PIWIL3: variants seen among roughly 807,000 people sequenced by gnomAD.
The protein encoded by PIWIL3 is piwi-like protein 3.
A neutral mutation model predicts 109.7 loss-of-function variants in PIWIL3; 101 were observed. The observed-to-expected ratio is 0.92, with a 90% CI of 0.78 to 1.09. PIWIL3 has a LOEUF of 1.09. PIWIL3 is among the 50% of genes least tolerant of loss of function. PIWIL3 has a pLI of 0.00. For missense variants in PIWIL3, 1,031 were observed against 1,072.6 expected, an observed-to-expected ratio of 0.96 and a Z score of 0.54; for synonymous variants, 373 against 376.4, an observed-to-expected ratio of 0.99 and a Z score of 0.10.
At position 24,762,417 on chromosome 22, in the gene PIWIL3, C is replaced by A. The variant is rs199951653; in HGVS notation, c.83G>T (p.Arg28Ile). ...GCTCACTGTAGCTGATCCAGGTGCTCTGGGTCCCCCAGGTGCCTCTTGTTG... is the reference window on the plus strand; with the variant it reads ...GCTCACTGTAGCTGATCCAGGTGCTATGGGTCCCCCAGGTGCCTCTTGTTG... ...SYQQEAPGGP[R>I]APGSATTQEP... The change falls in exon 2 of 21, where the codon AGA becomes ATA. Residue 28 changes from arginine (R) to isoleucine (I), a missense_variant. By Grantham distance (97) the Arg-to-Ile change is moderately conservative. Transcript: ENST00000616349. The A allele has an allele frequency of 1.9e-5, 30 of 1,613,786 alleles. No homozygotes were observed. The highest frequency in any genetic ancestry group is 2.4e-5 in the Non-Finnish European group (28 of 1,179,914).
At position 24,741,245 on chromosome 22, in the gene PIWIL3, T is replaced by A. The variant is rs1923989418; in HGVS notation, c.1450-5353A>T. On this transcript the variant is annotated intron_variant, in intron 12 of 20. Coordinates refer to ENST00000616349, the MANE Select transcript of PIWIL3 (RefSeq NM_001255975.1). ...TTAAAAACCTCATGGCCAGGCGCGG[T>A]GGCTCACACCTGTAATCCCAGCACT... Among the ~76,000 whole-genome samples the A allele has an allele frequency of 5.9e-5, 9 of 152,300 alleles. No homozygotes were observed. The South Asian group carries it at 1.9e-3, about 32-fold the overall frequency.
chr22:24,770,677 A>C (rs1409502755), intron 1 of PIWIL3, among the ~76,000 whole-genome samples: 8 of 137,540 alleles, frequency 5.8e-5, no homozygotes, highest in Admixed American at 2.9e-4. Context: ...AAAAAAAAAA[A>C]AACAAAAATT....
Position 24,735,892 on chromosome 22 carries a change from C to A in PIWIL3, c.1450G>T (p.Val484Phe). The A allele has an allele frequency of 1.3e-6, 2 of 1,592,136 alleles. No homozygotes were observed. Among genetic ancestry groups the A allele is most frequent in the South Asian group, 1.1e-5 (1 of 87,386 alleles). ...NANIVQGRRM[V>F]KANSQGDWSR... ...CAGTCTCCTTGTGAATTGGCTTTAA[C>A]CTGGAAAAGAATTATAAGACATGGC... The change falls in exon 13 of 21, where the codon GTT becomes TTT. Residue 484 changes from valine to phenylalanine, a missense_variant and splice_region_variant. Val to Phe is a conservative substitution (Grantham distance 50). Transcript: ENST00000616349.
chr22:24,751,341 T>C (rs748688718), intron 9 of PIWIL3, 46 bp downstream of exon 9: 4 of 1,525,788 alleles, frequency 2.6e-6, no homozygotes, highest in Non-Finnish European at 3.6e-6. Flanking sequence ...CTGAAATACA[T>C]GAAGGTTTAC....
intron 12 of PIWIL3, among the ~76,000 whole-genome samples, chr22:24,746,696 A>G (rs1414628787): frequency 6.6e-6 from 1 of 152,064 alleles, no homozygotes; most frequent in Non-Finnish European, 1.5e-5. Context: ...AAAACAAAAA[A>G]TCAGTAGCAT....
chr22:24,727,933 T>A lies in PIWIL3; in HGVS notation c.2009+17A>T. On this transcript the variant is annotated intron_variant, in intron 16 of 20. Coordinates refer to ENST00000616349, the MANE Select transcript of PIWIL3 (RefSeq NM_001255975.1). Reference sequence around the variant, plus strand: ...CAGTCAGCTACTAACTAAACATGTCTACCAGAGCTTACTTACTTTGTTAAT... The same window carrying A: ...CAGTCAGCTACTAACTAAACATGTCAACCAGAGCTTACTTACTTTGTTAAT... The A allele has an allele frequency of 6.3e-7, 1 of 1,586,300 alleles. No homozygotes were observed. The highest frequency in any genetic ancestry group is 8.6e-7 in the Non-Finnish European group (1 of 1,158,458).
At chr22:24,772,104 C>T (rs1926168456) in intron 1 of PIWIL3, among the ~76,000 whole-genome samples, 1 of 152,090 alleles carries the variant, frequency 6.6e-6, no homozygotes, top group Non-Finnish European at 1.5e-5. Flanking sequence ...ATAAATGCAC[C>T]AAACAGTAAG....
In PIWIL3 at chr22:24,773,738, TCTC is replaced by T. The variant is rs1926264229; in HGVS notation, c.-23+581_-23+583del. 1.6e-5 allele frequency among the ~76,000 whole-genome samples: 2 copies of T among 126,522 alleles called. 1 individual carries two copies. Among genetic ancestry groups the T allele is most frequent in the African/African-American group, 6.2e-5 (2 of 32,058 alleles). 83.0% of individuals were successfully genotyped at this position (126,522 alleles called of 152,430 possible). ...TTTTTTTTTTTTTTTGAGATGGGAG[TCTC>T]ACTCACTCTGTTGCCCAGGCTGGAG... On this transcript the variant is annotated intron_variant, in intron 1 of 20. Transcript: ENST00000616349.
At chr22:24,735,251 A>G (rs1308551789) in intron 13 of PIWIL3, among the ~76,000 whole-genome samples, 1 of 152,136 alleles carries the variant, frequency 6.6e-6, no homozygotes, top group East Asian at 1.9e-4. Flanking sequence ...ACCCTACTGT[A>G]AACTATGGAC....
intron 1 of PIWIL3, among the ~76,000 whole-genome samples, chr22:24,765,684 C>T (rs958449102): frequency 6.6e-6 from 1 of 151,852 alleles, no homozygotes; most frequent in Non-Finnish European, 1.5e-5. Context: ...CTTTAAGATA[C>T]CCATCTTTTT....
rs750754366 is a variant in PIWIL3, at chr22:24,723,154, T to C, written c.2333A>G (p.Asp778Gly). The C allele has an allele frequency of 2.5e-6, 4 of 1,613,466 alleles. No homozygotes were observed. The highest frequency in any genetic ancestry group is 4.5e-5 in the East Asian group (2 of 44,856). ...CCATTCATTCCTAGTCAACTCTACA[T>C]CAATAACTGTTCCTGGAGGTGGATT... ...FQNPPPGTVI[D>G]VELTRNEWYD... Residue 778 changes from aspartate (D) to glycine (G), a missense_variant, in exon 19 of 21, where the codon GAT becomes GGT. Physicochemically the swap from Asp to Gly is moderately conservative, Grantham distance 94. Coordinates refer to ENST00000616349, the MANE Select transcript of PIWIL3 (RefSeq NM_001255975.1).
Position 24,725,476 on chromosome 22 carries a change from C to T in PIWIL3, c.2049G>A (p.Glu683=). ...SQCVIQKTGE[E]LVKELEICLK... is the part of the protein sequence containing the mutation. Reference sequence around the variant, plus strand: ...AGCAGATCTCCAGCTCTTTCACAAGCTCTTCTCCTGTTTTCTGGATGACAC... The same window carrying T: ...AGCAGATCTCCAGCTCTTTCACAAGTTCTTCTCCTGTTTTCTGGATGACAC... Residue 683 remains glutamate (E), a synonymous_variant, in exon 17 of 21, where the codon GAG becomes GAA. Coordinates refer to ENST00000616349, the MANE Select transcript of PIWIL3 (RefSeq NM_001255975.1). The T allele has an allele frequency of 6.2e-7, 1 of 1,614,074 alleles. No individual in the cohort carries two copies. The highest frequency in any genetic ancestry group is 8.5e-7 in the Non-Finnish European group (1 of 1,180,054).
At chr22:24,767,375 A>T (rs1374823700) in intron 1 of PIWIL3, among the ~76,000 whole-genome samples, 2 of 59,224 alleles carry the variant, frequency 3.4e-5, no homozygotes, top group Non-Finnish European at 7.7e-5. Flanking sequence ...GTCTCTACTA[A>T]AAAAAATAAA....
At chr22:24,731,955 C>A (rs565903762) in intron 14 of PIWIL3, among the ~76,000 whole-genome samples, 8 of 152,222 alleles carry the variant, frequency 5.3e-5, no homozygotes, top group Non-Finnish European at 7.4e-5. Flanking sequence ...GATTTTAATT[C>A]TTTATTATTC....
chr22:24,759,754 C>T, intron 3 of PIWIL3, 115 bp downstream of exon 3: 2 of 1,460,200 alleles, frequency 1.4e-6, no homozygotes, highest in South Asian at 1.3e-5. Flanking sequence ...CACACACTTC[C>T]CATCCCACCA....
At chr22:24,749,302 C>T in intron 11 of PIWIL3, 102 bp downstream of exon 11, 1 of 1,512,334 alleles carries the variant, frequency 6.6e-7, no homozygotes, top group Non-Finnish European at 8.9e-7. Flanking sequence ...CCCATTGTCA[C>T]TTGCTTGTAG....
chr22:24,767,094 T>A (rs988662890), intron 1 of PIWIL3, among the ~76,000 whole-genome samples: 6 of 152,002 alleles, frequency 3.9e-5, no homozygotes, highest in Admixed American at 3.3e-4. Flanking sequence ...TGGACTATGA[T>A]CATACCACTG....
intron 3 of PIWIL3, 107 bp from the exon 4 acceptor site, chr22:24,758,146 A>T: frequency 3.9e-6 from 5 of 1,298,588 alleles, no homozygotes; most frequent in Non-Finnish European, 4.2e-6. Context: ...GATGCCACCC[A>T]AGGTTCCAAA....
intron 12 of PIWIL3, 151 bp from the exon 13 acceptor site, chr22:24,736,043 A>G (rs1419049055): frequency 4.7e-6 from 3 of 639,902 alleles, no homozygotes; most frequent in Non-Finnish European, 7.5e-6. Context: ...TCATTAAGAT[A>G]TAGGTTAATA....
Sources: allele counts gnomAD v4.1 joint callset (sites outside exome capture counted in the v4.1 genomes callset), GRCh38; gene constraint gnomAD v4.1.1; transcripts MANE v1.5; gene names NCBI Gene and HGNC (gene_info 2026-07-23, HGNC 2026-07-21).